KCNH1: variants seen among roughly 807,000 people sequenced by gnomAD.
The protein encoded by KCNH1 is potassium voltage-gated channel subfamily H member 1, also known as voltage-gated delayed rectifier potassium channel KCNH1.
KCNH1 carries 27 observed loss-of-function variants against 69.2 expected under a neutral mutation model. The observed-to-expected ratio is 0.39, with a 90% CI of 0.29 to 0.54. The LOEUF is 0.54. KCNH1 is among the 20% of genes least tolerant of loss of function. The probability of loss-of-function intolerance (pLI) is 0.68; values close to 1 mark genes in which losing one functional copy is unlikely to be tolerated. For synonymous variants in KCNH1, 456 were observed against 487.7 expected (o/e 0.93, Z 0.86); for missense variants, 798 against 1,261.6 (o/e 0.63, Z 5.57).
chr1:210,809,193 T>C (rs1003660470), intron 7 of KCNH1, among the ~76,000 whole-genome samples: 7 of 150,906 alleles, frequency 4.6e-5, no homozygotes, highest in African/African-American at 1.5e-4. Flanking sequence ...GGAGGGAGGG[T>C]GTAGCAAAAA....
chr1:210,935,087 G>C (rs1369178638), intron 6 of KCNH1, among the ~76,000 whole-genome samples: 1 of 148,508 alleles, frequency 6.7e-6, no homozygotes, highest in Admixed American at 6.8e-5. Flanking sequence ...ATTTACCTTA[G>C]TGTCATCAAC....
chr1:211,094,370 G>T (rs1308012417), intron 3 of KCNH1, among the ~76,000 whole-genome samples: 2 of 152,208 alleles, frequency 1.3e-5, no homozygotes, highest in African/African-American at 4.8e-5. Context: ...CCATGGACTG[G>T]TAGCAGTCTG....
chr1:211,058,594 T>C (rs1052671375), intron 5 of KCNH1, among the ~76,000 whole-genome samples: 3 of 151,486 alleles, frequency 2.0e-5, no homozygotes, highest in African/African-American at 7.3e-5. Context: ...TCAAAAAACA[T>C]ACAATACATC....
chr1:210,946,569 T>C (rs992496739), intron 6 of KCNH1, among the ~76,000 whole-genome samples: 22 of 152,176 alleles, frequency 1.4e-4, no homozygotes, highest in Admixed American at 8.5e-4. Flanking sequence ...ACAACAGCCC[T>C]AGAGACACAT....
At chr1:210,821,714 C>A (rs943275447) in intron 7 of KCNH1, among the ~76,000 whole-genome samples, 1 of 151,920 alleles carries the variant, frequency 6.6e-6, no homozygotes, top group East Asian at 1.9e-4. Context: ...GATCATATGC[C>A]CTCTTTGGAA....
intron 6 of KCNH1, among the ~76,000 whole-genome samples, chr1:210,939,978 G>A (rs950942332): frequency 6.6e-6 from 1 of 152,186 alleles, no homozygotes; most frequent in Non-Finnish European, 1.5e-5. Context: ...TATTAACAGA[G>A]ATAGTCTTGT....
intron 5 of KCNH1, among the ~76,000 whole-genome samples, chr1:211,079,555 G>A (rs572978417): frequency 5.3e-5 from 8 of 152,306 alleles, no homozygotes; most frequent in Non-Finnish European, 8.8e-5. Context: ...AAACATTGAT[G>A]TGAAAATCCT....
intron 7 of KCNH1, among the ~76,000 whole-genome samples, chr1:210,893,630 TTTGC>T (rs1558514698): frequency 6.6e-6 from 1 of 152,062 alleles, no homozygotes; most frequent in Non-Finnish European, 1.5e-5. Flanking sequence ...TCTCTCATCC[TTTGC>T]TTTTTATTTT....
intron 7 of KCNH1, among the ~76,000 whole-genome samples, chr1:210,833,853 C>T (rs560611919): frequency 3.4e-4 from 51 of 152,198 alleles, no homozygotes; most frequent in Admixed American, 2.2e-3. Flanking sequence ...AAACAAACAA[C>T]CCCATCAAAA....
At chr1:210,718,143 AT>A (rs1682309311) in intron 10 of KCNH1, among the ~76,000 whole-genome samples, 2 of 149,408 alleles carry the variant, frequency 1.3e-5, no homozygotes, top group Admixed American at 6.8e-5. Flanking sequence ...AAGGAAAAAA[AT>A]AGGTAAAATT....
intron 5 of KCNH1, among the ~76,000 whole-genome samples, chr1:211,041,363 C>T (rs905336137): frequency 6.6e-6 from 1 of 152,188 alleles, no homozygotes; most frequent in African/African-American, 2.4e-5. Flanking sequence ...AGATGTGCAG[C>T]TTAGCTCCCC....
chr1:210,770,337 C>G (rs111765414), intron 10 of KCNH1, among the ~76,000 whole-genome samples: 1 of 152,140 alleles, frequency 6.6e-6, no homozygotes, highest in Non-Finnish European at 1.5e-5. Flanking sequence ...CAAACCTGTA[C>G]GTTCTGCACA....
At chr1:210,700,929 TTTTA>T (rs201926081) in intron 10 of KCNH1, among the ~76,000 whole-genome samples, 4 of 152,002 alleles carry the variant, frequency 2.6e-5, no homozygotes, top group South Asian at 2.1e-4. Context: ...TTTAGTTTCT[TTTTA>T]TTTATTTATT....
intron 10 of KCNH1, among the ~76,000 whole-genome samples, chr1:210,692,727 G>A (rs1264938859): frequency 1.3e-5 from 2 of 152,130 alleles, no homozygotes; most frequent in Non-Finnish European, 2.9e-5. Context: ...CTGGAGTTAC[G>A]TAGCTACAAG....
rs111610956 is a variant in KCNH1 at position 210,836,916 on chromosome 1, C to A, written c.1463-32750G>T. Among the ~76,000 whole-genome samples, 756 of 152,252 alleles carry A rather than the reference C, an allele frequency of 5.0e-3. 5 individuals carry two copies. Among genetic ancestry groups the A allele is most frequent in the African/African-American group, 0.017 (710 of 41,556 alleles). ...ATTTCTTTTCTAGACAATTCTAACA[C>A]CCTCTAAATGTGTCTCCCTGCTTAC... is the stretch of plus-strand genomic sequence containing the variant. On this transcript the variant is annotated intron_variant, in intron 7 of 10. Coordinates refer to ENST00000271751, the MANE Select transcript of KCNH1 (RefSeq NM_172362.3).
intron 9 of KCNH1, among the ~76,000 whole-genome samples, chr1:210,787,258 C>T (rs1684123179): frequency 6.6e-6 from 1 of 152,120 alleles, no homozygotes; most frequent in Non-Finnish European, 1.5e-5. Flanking sequence ...CAACCCCCCA[C>T]AGCCACTGCT....
chr1:210,751,040 T>G (rs1683272252), intron 10 of KCNH1, among the ~76,000 whole-genome samples: 1 of 152,216 alleles, frequency 6.6e-6, no homozygotes, highest in Non-Finnish European at 1.5e-5. Context: ...AATAATGGAC[T>G]GGTGCTAAGC....
At position 210,944,080 on chromosome 1, in the gene KCNH1, C is replaced by T. The variant is rs551655525; in HGVS notation, c.1033-24011G>A. ...CAGCCCCAGAGGAGGCCACTAATGC[C>T]CAAAGAGGTAAAGAAACTAACTCCA... On this transcript the variant is annotated intron_variant, in intron 6 of 10. Transcript: ENST00000271751. 2.0e-5 allele frequency among the ~76,000 whole-genome samples: 3 copies of T among 152,276 alleles called. No homozygotes were observed. In the East Asian group the frequency reaches 5.8e-4, roughly 29 times the overall value.
rs113422769 is a variant in KCNH1, at chr1:210,831,190, C to T, written c.1463-27024G>A. Among the ~76,000 whole-genome samples the T allele has an allele frequency of 3.3e-5, 5 of 152,188 alleles. No individual in the cohort carries two copies. In the South Asian group the frequency reaches 8.3e-4, roughly 25 times the overall value. ...GCTTATCCAAGGAAAATACTGTTGC[C>T]AACTTCTAACTGATGCTTTATTCTG... On this transcript the variant is annotated intron_variant, in intron 7 of 10. Transcript: ENST00000271751.
Sources: allele counts gnomAD v4.1 joint callset (sites outside exome capture counted in the v4.1 genomes callset), GRCh38; gene constraint gnomAD v4.1.1; transcripts MANE v1.5; gene names NCBI Gene and HGNC (gene_info 2026-07-23, HGNC 2026-07-21).